Variants in NOL6 observed in about 807,000 individuals in gnomAD.
The protein encoded by NOL6 is nucleolar protein 6.
In NOL6, 33 loss-of-function variants were observed where a neutral mutation model predicts 131.7. The ratio of observed to expected loss-of-function variants is 0.25; its 90% CI spans 0.19 to 0.33. NOL6 has a LOEUF of 0.33. Ranked by LOEUF, NOL6 falls within the 10% of genes least tolerant of loss-of-function variation. The pLI, the probability that NOL6 is intolerant of heterozygous loss-of-function variation, is 1.00. For missense variants in NOL6, 1,297 were observed against 1,494.5 expected, an observed-to-expected ratio of 0.87 and a Z score of 2.18; for synonymous variants, 580 against 605.7, an observed-to-expected ratio of 0.96 and a Z score of 0.62.
Position 33,472,104 on chromosome 9 carries a change from T to C in NOL6, c.278A>G (p.Lys93Arg). 6.2e-7 allele frequency: 1 copy of C among 1,614,192 alleles called. No individual in the cohort carries two copies. The highest frequency in any genetic ancestry group is 8.5e-7 in the Non-Finnish European group (1 of 1,180,022). The change falls in exon 3 of 26, where the codon AAG (lysine) becomes AGG (arginine). Residue 93 changes from lysine (K) to arginine (R), a missense_variant. Coordinates refer to ENST00000297990, the MANE Select transcript of NOL6 (RefSeq NM_022917.5). ...CTTCTTCTCTGACAGCCTTACTTCC[T>C]TTAGTAGCTCCTCTACCTGTAAGAG... is the stretch of plus-strand genomic sequence containing the variant. ...LLRLQVEELL[K>R]EVRLSEKKKD...
chr9:33,463,312 C>T lies in NOL6; in HGVS notation c.3124G>A (p.Gly1042Arg). Residue 1042 changes from glycine (G) to arginine (R), a missense_variant, in exon 24 of 26, where the codon GGG (glycine) becomes AGG (arginine). By Grantham distance (125) the Gly-to-Arg change is moderately radical (BLOSUM62 -2). Transcript: ENST00000297990. ...SFCRGLLSQPGPSSLMPVLGY... is the reference protein window; with the variant it reads ...SFCRGLLSQPRPSSLMPVLGY... ...AGCACGGGCATCAGGGATGAGGGCC[C>T]CGGCTGGCTGAGCAGGCCCCGGCAG... 1 of 1,614,116 alleles carries T rather than the reference C, an allele frequency of 6.2e-7. No homozygotes were observed. Among genetic ancestry groups the T allele is most frequent in the South Asian group, 1.1e-5 (1 of 91,072 alleles).
rs538743506 is a variant in NOL6, at chr9:33,466,012, G to A, written c.2364+59C>T. ...TACCCACAGGGGTGTCTTCTTCCAC[G>A]CCCTGACATCCCTGGTGCCCCCCTT... On this transcript the variant is annotated intron_variant, in intron 18 of 25. Transcript: ENST00000297990. 5.4e-5 allele frequency: 84 copies of A among 1,558,500 alleles called. No homozygotes were observed. The African/African-American group carries it at 5.8e-4, about 11-fold the overall frequency.
At chr9:33,466,742 C>T (rs760667335) in intron 15 of NOL6, 33 bp from the exon 16 acceptor site, 22 of 1,608,924 alleles carry the variant, frequency 1.4e-5, no homozygotes, top group Non-Finnish European at 1.9e-5. Flanking sequence ...GAGGCTGGAC[C>T]CTACAGAAGG....
chr9:33,465,169 G>A, intron 20 of NOL6, 38 bp downstream of exon 20: 1 of 1,568,706 alleles, frequency 6.4e-7, no homozygotes, highest in Non-Finnish European at 8.7e-7. Flanking sequence ...CTGGCCGCAA[G>A]GAAACTTCTC....
At chr9:33,463,700 G>C in intron 23 of NOL6, 131 bp downstream of exon 23, 2 of 998,508 alleles carry the variant, frequency 2.0e-6, no homozygotes, top group Non-Finnish European at 2.9e-6. Flanking sequence ...AGGCACCACA[G>C]CAGCTTCAAC....
chr9:33,472,028 C>T lies in NOL6; in HGVS notation c.354G>A (p.Arg118=). ...FLREVNQRVV[R]VPSVPETELT... ...CCTCTGTCTCAGGGACTGAGGGCAC[C>T]CTCACAACCCGCTGGTTGACCTCCC... Residue 118 remains arginine, a synonymous_variant, in exon 3 of 26, where the codon AGG becomes AGA. Transcript: ENST00000297990. 2 of 1,612,494 alleles carry T rather than the reference C, an allele frequency of 1.2e-6. No individual in the cohort carries two copies.
In NOL6 at chr9:33,469,634, G is replaced by A. The variant is rs745750030; in HGVS notation, c.592C>T (p.Arg198Cys). The A allele has an allele frequency of 9.9e-6, 16 of 1,613,052 alleles. No individual in the cohort carries two copies. Among genetic ancestry groups the A allele is most frequent in the South Asian group, 2.2e-5 (2 of 90,938 alleles). ...TAGAGGGCACGCTTGCGGAAGTAGC[G>A]CTGGTTCAGCCCGTCCTTGTCCTGT... is the stretch of plus-strand genomic sequence containing the variant. ...ILQDKDGLNQRYFRKRALYLA... is the reference protein window; with the variant it reads ...ILQDKDGLNQCYFRKRALYLA... Residue 198 changes from arginine to cysteine, a missense_variant, in exon 5 of 26, where the codon CGC becomes TGC. Arg to Cys is a radical substitution (Grantham distance 180, BLOSUM62 -3). Transcript: ENST00000297990.
At position 33,464,159 on chromosome 9, in the gene NOL6, C is replaced by T. The variant is rs1207764046; in HGVS notation, c.2782G>A (p.Glu928Lys). Residue 928 changes from glutamate (E) to lysine (K), a missense_variant and splice_region_variant, in exon 22 of 26, where the codon GAG becomes AAG. By Grantham distance (56) the Glu-to-Lys change is moderately conservative (BLOSUM62 1). Coordinates refer to ENST00000297990, the MANE Select transcript of NOL6 (RefSeq NM_022917.5). ...FVNLNNELTV[E>K]EQVEIRSGFL... ...CCACTGCGGATCTCCACCTGCTCCT[C>T]CACTAGAGACAAGAATGGGTCCTGG... 1 of 1,605,820 alleles carries T rather than the reference C, an allele frequency of 6.2e-7. No homozygotes were observed. The highest frequency in any genetic ancestry group is 8.5e-7 in the Non-Finnish European group (1 of 1,175,858).
chr9:33,468,456 G>T, intron 9 of NOL6, 34 bp from the exon 10 acceptor site: 13 of 1,613,226 alleles, frequency 8.1e-6, no homozygotes, highest in Non-Finnish European at 1.1e-5. Flanking sequence ...GGTCAGGATT[G>T]GCACCTTACT....
chr9:33,467,865 G>A lies in NOL6; in HGVS notation c.1428C>T (p.Leu476=). The A allele has an allele frequency of 6.3e-7, 1 of 1,587,484 alleles. No homozygotes were observed. The highest frequency in any genetic ancestry group is 1.1e-5 in the South Asian group (1 of 87,044). ...CTGCCTGCAGGCGACTCAGTGGACG[G>A]AGACTGGAGGGGTACAAAGGGCCAA... ...MIRAFDHVLH[L]RPLSRLQAAC... The change falls in exon 12 of 26, where the codon CTC becomes CTT. Residue 476 remains leucine (L), a synonymous_variant. Transcript: ENST00000297990. The surrounding 1 kb of genome is among the most constrained non-coding windows in gnomAD (Gnocchi z 4.4).
intron 1 of NOL6, 66 bp from the exon 2 acceptor site, chr9:33,472,478 C>T (rs1033208406): frequency 1.5e-6 from 2 of 1,313,576 alleles, no homozygotes; most frequent in Admixed American, 3.9e-5. Context: ...CCTAAAGTGC[C>T]ACCATGATAG....
chr9:33,466,946 C>A lies in NOL6; in HGVS notation c.1916G>T (p.Gly639Val). 1 of 1,614,040 alleles carries A rather than the reference C, an allele frequency of 6.2e-7. No individual in the cohort carries two copies. The highest frequency in any genetic ancestry group is 8.5e-7 in the Non-Finnish European group (1 of 1,179,966). Reference sequence around the variant, plus strand: ...GCCTTGGATAAGTGCATCCAGGGGGCCCCCCACATAGTGGACACAGGTTTC... The same window carrying A: ...GCCTTGGATAAGTGCATCCAGGGGGACCCCCACATAGTGGACACAGGTTTC... ...IPETCVHYVG[G>V]PLDALIQGLK... Residue 639 changes from glycine to valine, a missense_variant, in exon 15 of 26, where the codon GGC becomes GTC. Coordinates refer to ENST00000297990, the MANE Select transcript of NOL6 (RefSeq NM_022917.5).
intron 19 of NOL6, 36 bp downstream of exon 19, chr9:33,465,698 C>T (rs764509699): frequency 6.3e-7 from 1 of 1,595,390 alleles, no homozygotes; most frequent in Non-Finnish European, 8.6e-7. Flanking sequence ...CAGGAGGGGG[C>T]CTACAGACAG....
At chr9:33,473,712 C>G (rs1018876697) in intron 1 of NOL6, 77 bp downstream of exon 1, 28 of 1,538,244 alleles carry the variant, frequency 1.8e-5, no homozygotes, top group Non-Finnish European at 2.4e-5. Flanking sequence ...CGCAAGCTGT[C>G]AGATCACGCC....
Position 33,463,586 on chromosome 9 carries a change from C to T in NOL6, c.2995-145G>A, listed in dbSNP as rs998109195. 7.4e-6 allele frequency: 6 copies of T among 813,660 alleles called. No individual in the cohort carries two copies. The African/African-American group carries it at 1.0e-4, about 14-fold the overall frequency. The allele number at this position is 813,660 out of a possible 1,614,324, so 50.4% of individuals were successfully genotyped here. A position where few individuals can be genotyped will look rare whatever the true frequency, so the allele number is the denominator to read the frequency against. Reference sequence around the variant, plus strand: ...CCTGCCCATTTGAAGACTGAAGCACCAAGACCCACAGAGCAAACAGCTGTT... The same window carrying T: ...CCTGCCCATTTGAAGACTGAAGCACTAAGACCCACAGAGCAAACAGCTGTT... On this transcript the variant is annotated intron_variant, in intron 23 of 25. Coordinates refer to ENST00000297990, the MANE Select transcript of NOL6 (RefSeq NM_022917.5).
rs143475779 is a variant in NOL6 at position 33,466,048 on chromosome 9, A to G, written c.2364+23T>C. 1.8e-5 allele frequency: 28 copies of G among 1,567,178 alleles called. No homozygotes were observed. The East Asian group carries it at 4.7e-4, about 27-fold the overall frequency. On this transcript the variant is annotated intron_variant, in intron 18 of 25. Coordinates refer to ENST00000297990, the MANE Select transcript of NOL6 (RefSeq NM_022917.5). ...CCTGGTGCCCCCCTTCCCTGGGGAC[A>G]TATCTGCCTGCACCAGCCTAACCTT...
rs1827441219 is a variant in NOL6 at position 33,472,489 on chromosome 9, G to C, written c.55-77C>G. 4 of 1,199,878 alleles carry C rather than the reference G, an allele frequency of 3.3e-6. No individual in the cohort carries two copies. The Admixed American group carries it at 7.9e-5, about 24-fold the overall frequency. 74.3% of individuals were successfully genotyped at this position (1,199,878 alleles called of 1,614,324 possible). ...GCTGCCTAAAGTGCCACCATGATAGGTTGTGGGTAAAAGCTTCACCTGCTC... is the reference window on the plus strand; with the variant it reads ...GCTGCCTAAAGTGCCACCATGATAGCTTGTGGGTAAAAGCTTCACCTGCTC... On this transcript the variant is annotated intron_variant, in intron 1 of 25. Transcript: ENST00000297990.
Position 33,463,283 on chromosome 9 carries a change from G to A in NOL6, c.3153C>T (p.Gly1051=). The change falls in exon 24 of 26, where the codon GGC becomes GGT. Residue 1051 remains glycine, a synonymous_variant. Coordinates refer to ENST00000297990, the MANE Select transcript of NOL6 (RefSeq NM_022917.5). ...PGPSSLMPVL[G]YDPPQLYLTQ... ...TCAGATAGAGCTGAGGAGGATCATAGCCCAGCACGGGCATCAGGGATGAGG... is the reference window on the plus strand; with the variant it reads ...TCAGATAGAGCTGAGGAGGATCATAACCCAGCACGGGCATCAGGGATGAGG... The A allele has an allele frequency of 1.9e-6, 3 of 1,614,048 alleles. No individual in the cohort carries two copies. Among genetic ancestry groups the A allele is most frequent in the Non-Finnish European group, 2.5e-6 (3 of 1,179,952 alleles).
Position 33,462,643 on chromosome 9 carries a change from C to T in NOL6, c.*21G>A, listed in dbSNP as rs202007549. On this transcript the variant is annotated 3_prime_UTR_variant, in exon 26 of 26. Transcript: ENST00000297990. ...GGTCCAATGTCCTGCTGTCCGTCTA[C>T]AGCTTGCTCCAGAGCTGGGATCACA... 1.2e-6 allele frequency: 2 copies of T among 1,613,550 alleles called. No homozygotes were observed. The highest frequency in any genetic ancestry group is 4.5e-5 in the East Asian group (2 of 44,870).
Sources: gnomAD v4.1 joint callset for allele counts on GRCh38, gnomAD v4.1.1 for gene constraint, Gnocchi (gnomAD v3.1) non-coding constraint, MANE v1.5 for transcripts, NCBI Gene and HGNC (gene_info 2026-07-23, HGNC 2026-07-21) for gene names.